CDH10: variants seen among roughly 807,000 people sequenced by gnomAD.
CDH10 encodes cadherin-10.
A neutral mutation model predicts 73.1 loss-of-function variants in CDH10; 30 were observed. The observed-to-expected ratio is 0.41, with a 90% CI of 0.31 to 0.56. The LOEUF (loss-of-function observed/expected upper bound fraction) is 0.56. CDH10 is among the 20% of genes least tolerant of loss of function. CDH10 has a pLI of 0.27. For missense variants in CDH10, 815 were observed against 973.7 expected (o/e 0.84, Z 2.17); for synonymous variants, 345 against 348.2 (o/e 0.99, Z 0.10).
chr5:24,587,037 G>A lies in CDH10; in HGVS notation c.231+6223C>T, dbSNP rs558826401. 2.5e-3 allele frequency among the ~76,000 whole-genome samples: 370 copies of A among 150,912 alleles called. 1 individual carries two copies. Among genetic ancestry groups the A allele is most frequent in the Non-Finnish European group, 4.2e-3 (286 of 67,784 alleles). On this transcript the variant is annotated intron_variant, in intron 2 of 11. Coordinates refer to ENST00000264463, the MANE Select transcript of CDH10 (RefSeq NM_006727.5). ...TTTTTTGTAATTTTAGTAGAGACGG[G>A]GTTTCATCGTGTTAGCCAGAATGGT...
In CDH10 at chr5:24,586,843, C is replaced by CTTTTTTTTTTTTTTTTTT. The variant is rs1001227038; in HGVS notation, c.231+6399_231+6416dup. 4.9e-4 allele frequency among the ~76,000 whole-genome samples: 50 copies of CTTTTTTTTTTTTTTTTTT among 102,756 alleles called. 7 individuals are homozygous for CTTTTTTTTTTTTTTTTTT. The highest frequency in any genetic ancestry group is 1.7e-3 in the African/African-American group (41 of 23,782). The allele number at this position is 102,756 out of a possible 152,430, so 67.4% of individuals were successfully genotyped here. On this transcript the variant is annotated intron_variant, in intron 2 of 11. Coordinates refer to ENST00000264463, the MANE Select transcript of CDH10 (RefSeq NM_006727.5). Reference sequence around the variant, plus strand: ...GTAAAACAATAAGATAGCCCATATTCTTTTTTTTTTTTTTTTTTTGAGCCG... The same window carrying CTTTTTTTTTTTTTTTTTT: ...GTAAAACAATAAGATAGCCCATATTCTTTTTTTTTTTTTTTTTTTTTTTTTTTTTTTTTTTTTGAGCCG...
At chr5:24,643,448 G>C (rs1471873592) in intron 1 of CDH10, among the ~76,000 whole-genome samples, 2 of 151,960 alleles carry the variant, frequency 1.3e-5, no homozygotes, top group Non-Finnish European at 2.9e-5. Context: ...GGTATGGAGG[G>C]AGAAAGTCTA....
At chr5:24,598,472 A>C (rs1329855344) in intron 1 of CDH10, among the ~76,000 whole-genome samples, 1 of 151,996 alleles carries the variant, frequency 6.6e-6, no homozygotes, top group Non-Finnish European at 1.5e-5. Flanking sequence ...GTATTTTTAA[A>C]TTGGATTGAA....
chr5:24,595,107 T>TTGTG (rs58078316), intron 1 of CDH10, among the ~76,000 whole-genome samples: 6 of 150,580 alleles, frequency 4.0e-5, no homozygotes, highest in African/African-American at 4.9e-5. Flanking sequence ...TTATTTTGTT[T>TTGTG]TGTGTGTGTG....
chr5:24,572,542 C>CA lies in CDH10; in HGVS notation c.231+20717dup, dbSNP rs533164766. ...AATTAATATTAAATGCCCCTCCCCC[C>CA]AAAAAAATCAACACTATCTTATTTA... On this transcript the variant is annotated intron_variant, in intron 2 of 11. Transcript: ENST00000264463. Among the ~76,000 whole-genome samples, 33 of 151,874 alleles carry CA rather than the reference C, an allele frequency of 2.2e-4. No homozygotes were observed. The South Asian group carries it at 4.4e-3, about 20-fold the overall frequency.
intron 5 of CDH10, among the ~76,000 whole-genome samples, chr5:24,521,138 A>G (rs1394539681): frequency 6.6e-6 from 1 of 152,192 alleles, no homozygotes; most frequent in Non-Finnish European, 1.5e-5. Context: ...CTCAAACTCA[A>G]ACACCCCCAA....
chr5:24,533,690 C>T (rs942948606), intron 5 of CDH10, among the ~76,000 whole-genome samples: 13 of 151,990 alleles, frequency 8.6e-5, no homozygotes, highest in African/African-American at 3.1e-4. Flanking sequence ...GTCAAAAATA[C>T]TTGTAAAATG....
intron 2 of CDH10, among the ~76,000 whole-genome samples, chr5:24,563,636 G>T (rs11738017): frequency 6.9e-6 from 1 of 145,530 alleles, no homozygotes; most frequent in Non-Finnish European, 1.5e-5. Context: ...CGTGGTGGCC[G>T]GCAGGCGCCT....
At chr5:24,493,262 A>C (rs1742130611) in intron 9 of CDH10, among the ~76,000 whole-genome samples, 1 of 151,998 alleles carries the variant, frequency 6.6e-6, no homozygotes, top group African/African-American at 2.4e-5. Context: ...ATGTCAGAAA[A>C]ATTTAGGAAA....
chr5:24,567,641 A>T (rs2112010991), intron 2 of CDH10, among the ~76,000 whole-genome samples: 1 of 152,068 alleles, frequency 6.6e-6, no homozygotes, highest in East Asian at 1.9e-4. Context: ...GCCTATTGAA[A>T]TAGGAAATGG....
rs919148268 is a variant in CDH10 at position 24,491,710 on chromosome 5, G to A, written c.1742C>T (p.Thr581Ile). The A allele has an allele frequency of 6.2e-7, 1 of 1,614,026 alleles. No homozygotes were observed. Among genetic ancestry groups the A allele is most frequent in the South Asian group, 1.1e-5 (1 of 91,078 alleles). Residue 581 changes from threonine (T) to isoleucine (I), a missense_variant, in exon 11 of 12, where the codon ACA becomes ATA. Thr to Ile is a moderately conservative substitution (Grantham distance 89). Coordinates refer to ENST00000264463, the MANE Select transcript of CDH10 (RefSeq NM_006727.5). ...NDYPIQSSTG[T>I]LTIRVCACDS... ...ACAAGCACACACTCGAATGGTCAGTGTGCCTGTGCTGCTCTGAATTGGGTA... is the reference window on the plus strand; with the variant it reads ...ACAAGCACACACTCGAATGGTCAGTATGCCTGTGCTGCTCTGAATTGGGTA...
intron 5 of CDH10, among the ~76,000 whole-genome samples, chr5:24,516,976 CTAAT>C (rs1343978690): frequency 6.6e-6 from 1 of 151,890 alleles, no homozygotes; most frequent in Non-Finnish European, 1.5e-5. Context: ...TGAAATAAAT[CTAAT>C]TATGTATTGA....
In CDH10 at chr5:24,570,231, A is replaced by G. The variant is rs1249089354; in HGVS notation, c.231+23029T>C. The stretch of plus-strand genomic sequence containing the variant: ...CAACTTTGTTTTAACTGAAACAATA[A>G]GTTAAAGACAAGAAGAAACAGTAAG... On this transcript the variant is annotated intron_variant, in intron 2 of 11. Transcript: ENST00000264463. Among the ~76,000 whole-genome samples the G allele has an allele frequency of 5.9e-5, 9 of 152,298 alleles. No homozygotes were observed. The East Asian group carries it at 1.7e-3, about 29-fold the overall frequency.
At chr5:24,642,645 A>G (rs1748090643) in intron 1 of CDH10, among the ~76,000 whole-genome samples, 1 of 152,130 alleles carries the variant, frequency 6.6e-6, no homozygotes, top group Admixed American at 6.6e-5. Context: ...CACTGTTCTA[A>G]TTAATAAACA....
At chr5:24,579,210 A>G (rs1745704161) in intron 2 of CDH10, among the ~76,000 whole-genome samples, 2 of 151,952 alleles carry the variant, frequency 1.3e-5, no homozygotes, top group African/African-American at 4.8e-5. Flanking sequence ...ACCTTAAGAT[A>G]CTTTATAATT....
rs1744002517 is a variant in CDH10, at chr5:24,537,538, G to A, written c.368C>T (p.Ala123Val). 2 of 1,613,206 alleles carry A rather than the reference G, an allele frequency of 1.2e-6. No homozygotes were observed. The highest frequency in any genetic ancestry group is 1.7e-6 in the Non-Finnish European group (2 of 1,179,452). ...ATRRIDREEK[A>V]FYTLRAQAIN... Reference sequence around the variant, plus strand: ...AGCTTGTGCGCGTAGAGTATAAAAGGCCTTTTCCTCCCTATCAATTCGCCT... The same window carrying A: ...AGCTTGTGCGCGTAGAGTATAAAAGACCTTTTCCTCCCTATCAATTCGCCT... Residue 123 changes from alanine to valine, a missense_variant, in exon 3 of 12, where the codon GCC becomes GTC. Ala to Val is a moderately conservative substitution (Grantham distance 64, BLOSUM62 0). Coordinates refer to ENST00000264463, the MANE Select transcript of CDH10 (RefSeq NM_006727.5).
chr5:24,501,938 A>T (rs530789795), intron 8 of CDH10, among the ~76,000 whole-genome samples: 5 of 147,280 alleles, frequency 3.4e-5, no homozygotes, highest in South Asian at 2.1e-4. Flanking sequence ...TTTTTTTTTT[A>T]GAGGGAATCT....
intron 7 of CDH10, among the ~76,000 whole-genome samples, chr5:24,507,394 T>G (rs2111738315): frequency 6.6e-6 from 1 of 151,064 alleles, no homozygotes; most frequent in African/African-American, 2.4e-5. Context: ...ATATACATAA[T>G]AGGAATATAA....
At chr5:24,499,707 A>G (rs902851328) in intron 8 of CDH10, among the ~76,000 whole-genome samples, 2 of 142,698 alleles carry the variant, frequency 1.4e-5, no homozygotes, top group Admixed American at 1.5e-4. Context: ...AAAATGATGC[A>G]TTTTCAAACT....
Sources: gnomAD v4.1 joint callset for allele counts (sites outside exome capture counted in the v4.1 genomes callset) on GRCh38, gnomAD v4.1.1 for gene constraint, MANE v1.5 for transcripts, NCBI Gene and HGNC (gene_info 2026-07-23, HGNC 2026-07-21) for gene names.